TASP1: variants seen among roughly 807,000 people sequenced by gnomAD.
TASP1 encodes the protein taspase 1.
A neutral mutation model predicts 56.6 loss-of-function variants in TASP1; 16 were observed. The observed-to-expected ratio is 0.28, with a 90% CI of 0.19 to 0.43. The LOEUF is 0.43. Ranked by LOEUF, TASP1 falls within the 20% of genes least tolerant of loss-of-function variation. The pLI, the probability that TASP1 is intolerant of heterozygous loss-of-function variation, is 1.00. For synonymous variants in TASP1, 179 were observed against 184.2 expected (o/e 0.97, Z 0.23); for missense variants, 393 against 511.6 (o/e 0.77, Z 2.24).
chr20:13,396,397 A>G (rs1490655590), intron 13 of TASP1, among the ~76,000 whole-genome samples: 2 of 152,254 alleles, frequency 1.3e-5, no homozygotes, highest in African/African-American at 4.8e-5. Flanking sequence ...CCTTCTTAAT[A>G]TAGTCTAGAA....
intron 10 of TASP1, among the ~76,000 whole-genome samples, chr20:13,509,719 T>G (rs542412427): frequency 4.6e-5 from 7 of 152,254 alleles, no homozygotes; most frequent in African/African-American, 1.4e-4. Flanking sequence ...TCCACCTTCC[T>G]GGGTTCAAGC....
At chr20:13,579,009 T>C (rs780639582) in intron 6 of TASP1, among the ~76,000 whole-genome samples, 12 of 152,204 alleles carry the variant, frequency 7.9e-5, no homozygotes, top group Non-Finnish European at 1.6e-4. Context: ...GGTAGATTCG[T>C]AGGTGAACTT....
At chr20:13,312,975 G>A in the TASP1 span, among the ~76,000 whole-genome samples, 1 of 152,094 alleles carries the variant, frequency 6.6e-6, no homozygotes, top group East Asian at 1.9e-4. Flanking sequence ...TCTGGGTGGG[G>A]TGTGGAGGAA....
At chr20:13,177,981 A>G in the TASP1 span, among the ~76,000 whole-genome samples, 1 of 152,172 alleles carries the variant, frequency 6.6e-6, no homozygotes, top group Non-Finnish European at 1.5e-5. Flanking sequence ...ATAGAATGGG[A>G]GAATATATTT....
the TASP1 span, among the ~76,000 whole-genome samples, chr20:13,264,015 G>A: frequency 6.6e-6 from 1 of 152,062 alleles, no homozygotes; most frequent in South Asian, 2.1e-4. Context: ...GGGGTAATGA[G>A]GCCTGTAGCC....
At chr20:13,497,881 G>T (rs1376703554) in intron 10 of TASP1, among the ~76,000 whole-genome samples, 1 of 152,204 alleles carries the variant, frequency 6.6e-6, no homozygotes, top group Non-Finnish European at 1.5e-5. Context: ...AATTAGCAAT[G>T]AAGAAATGAC....
chr20:13,155,687 G>A, the TASP1 span, among the ~76,000 whole-genome samples: 3 of 151,650 alleles, frequency 2.0e-5, no homozygotes, highest in South Asian at 2.1e-4. Flanking sequence ...CTAGCCGGGC[G>A]TGGTGGTGGG....
the TASP1 span, among the ~76,000 whole-genome samples, chr20:13,181,265 A>C: frequency 9.2e-5 from 14 of 152,210 alleles, no homozygotes; most frequent in African/African-American, 3.4e-4. Context: ...GTCCTTAGCA[A>C]GATAGTGCTC....
chr20:13,430,062 T>C (rs1441981977), intron 12 of TASP1, among the ~76,000 whole-genome samples: 3 of 151,986 alleles, frequency 2.0e-5, no homozygotes, highest in Non-Finnish European at 4.4e-5. Flanking sequence ...GAAACTTGAT[T>C]ACAGACTGCA....
the TASP1 span, among the ~76,000 whole-genome samples, chr20:13,189,132 G>A: frequency 7.2e-5 from 11 of 152,286 alleles, no homozygotes; most frequent in Middle Eastern, 6.8e-3. Context: ...TTTGCGAATC[G>A]CTTATTGCTC....
At chr20:13,626,954 CT>C (rs555278471) in intron 2 of TASP1, among the ~76,000 whole-genome samples, 13 of 141,528 alleles carry the variant, frequency 9.2e-5, no homozygotes, top group Non-Finnish European at 2.0e-4. Context: ...GCTAATTTCC[CT>C]GTTTAACAAT....
intron 10 of TASP1, among the ~76,000 whole-genome samples, chr20:13,519,809 T>C (rs1453722066): frequency 6.6e-6 from 1 of 152,084 alleles, no homozygotes; most frequent in Non-Finnish European, 1.5e-5. Flanking sequence ...GGATATTCAA[T>C]TATGAAAAAA....
the TASP1 span, chr20:13,299,127 AAGG>A: frequency 6.2e-7 from 1 of 1,613,422 alleles, no homozygotes; most frequent in African/African-American, 1.3e-5. This position sits in a 1 kb window ranked among gnomAD's most constrained non-coding sequence, Gnocchi z 5.8. Context: ...CAGCGGGCCC[AAGG>A]AGAAGCTGGA....
At chr20:13,179,406 C>CGTGTGCGTGTGT in the TASP1 span, among the ~76,000 whole-genome samples, 92 of 143,506 alleles carry the variant, frequency 6.4e-4, no homozygotes, top group East Asian at 1.0e-3. Flanking sequence ...GAATTATGTG[C>CGTGTGCGTGTGT]GTGTGTGTGT....
At chr20:13,405,713 A>ATT (rs1278098247) in intron 13 of TASP1, among the ~76,000 whole-genome samples, 6,675 of 136,490 alleles carry the variant, frequency 0.049, 235 homozygotes, top group African/African-American at 0.1. Context: ...TGCCCAGCTA[A>ATT]TTTTTTTTTT....
chr20:13,469,481 T>G (rs2044389464), intron 11 of TASP1, among the ~76,000 whole-genome samples: 1 of 152,200 alleles, frequency 6.6e-6, no homozygotes, highest in Admixed American at 6.5e-5. Flanking sequence ...GTCCATCTTA[T>G]TAGTCTGCTG....
At chr20:13,227,832 T>C in the TASP1 span, among the ~76,000 whole-genome samples, 1 of 152,006 alleles carries the variant, frequency 6.6e-6, no homozygotes, top group African/African-American at 2.4e-5. Flanking sequence ...TAAATATCTT[T>C]CTTATTAATA....
the TASP1 span, among the ~76,000 whole-genome samples, chr20:13,285,586 C>T: frequency 3.3e-5 from 5 of 152,140 alleles, no homozygotes; most frequent in Non-Finnish European, 5.9e-5. Flanking sequence ...ACGGAATGCA[C>T]GGGCACTTTG....
chr20:13,564,344 G>A (rs1035230271), intron 7 of TASP1, among the ~76,000 whole-genome samples: 7 of 151,956 alleles, frequency 4.6e-5, no homozygotes, highest in South Asian at 2.1e-4. Context: ...CAATAGCATC[G>A]AAAAGTATAA....
Sources: allele counts gnomAD v4.1 joint callset (sites outside exome capture counted in the v4.1 genomes callset), GRCh38; gene constraint gnomAD v4.1.1; non-coding constraint Gnocchi (gnomAD v3.1); transcripts MANE v1.5; gene names NCBI Gene and HGNC (gene_info 2026-07-23, HGNC 2026-07-21).